FBN2: variants seen among roughly 807,000 people sequenced by gnomAD.
FBN2 encodes fibrillin 2, also known as fibrillin-2.
Under a neutral mutation model 355.6 loss-of-function variants are expected in FBN2, and 105 were observed. That is an observed-to-expected ratio of 0.30 (90% confidence interval 0.25 to 0.35). The LOEUF is 0.35. FBN2 is among the 10% of genes least tolerant of loss of function. The pLI is 1.00. For synonymous variants in FBN2, 1,350 were observed against 1,301.2 expected (o/e 1.04, Z -0.81); for missense variants, 3,280 against 3,758.7 (o/e 0.87, Z 3.33).
At chr5:128,441,724 G>T (rs1753926249) in intron 7 of FBN2, among the ~76,000 whole-genome samples, 2 of 152,134 alleles carry the variant, frequency 1.3e-5, no homozygotes, top group African/African-American at 4.8e-5. Flanking sequence ...ATTTGTGATG[G>T]GGGCAGAAAG....
At chr5:128,534,377 T>C (rs1756791436) in intron 2 of FBN2, among the ~76,000 whole-genome samples, 2 of 152,206 alleles carry the variant, frequency 1.3e-5, no homozygotes, top group East Asian at 1.9e-4. Context: ...ATTGAACTAC[T>C]GAATTGAATG....
Position 128,378,850 on chromosome 5 carries a change from A to G in FBN2, c.1644T>C (p.Asp548=), listed in dbSNP as rs182651973. 2 of 1,613,116 alleles carry G rather than the reference A, an allele frequency of 1.2e-6. No homozygotes were observed. The highest frequency in any genetic ancestry group is 2.7e-5 in the African/African-American group (2 of 74,892). ...ECTSNPCTNG[D]CVNTPGSYYC... ...AATAGGAACCAGGTGTGTTAACACA[A>G]TCTCCATTAGTGCAGGGATTTGATG... Residue 548 remains aspartate (D), a synonymous_variant, in exon 12 of 65, where the codon GAT becomes GAC. Coordinates refer to ENST00000262464, the MANE Select transcript of FBN2 (RefSeq NM_001999.4).
At chr5:128,266,305 G>A (rs918027724) in intron 62 of FBN2, among the ~76,000 whole-genome samples, 1 of 152,150 alleles carries the variant, frequency 6.6e-6, no homozygotes, top group Non-Finnish European at 1.5e-5. Flanking sequence ...AGTAGAATAA[G>A]CTTACAAATT....
intron 11 of FBN2, among the ~76,000 whole-genome samples, chr5:128,386,759 T>C (rs1198976638): frequency 6.6e-6 from 1 of 152,172 alleles, no homozygotes; most frequent in Non-Finnish European, 1.5e-5. Flanking sequence ...TTGCATATGC[T>C]GAACTCACCT....
At chr5:128,535,161 TAA>T (rs1561503466) in intron 2 of FBN2, among the ~76,000 whole-genome samples, 3 of 152,234 alleles carry the variant, frequency 2.0e-5, no homozygotes, top group Admixed American at 1.3e-4. Context: ...AAAATATTTA[TAA>T]GTCACTTTAA....
At chr5:128,274,461 T>C (rs1213070235) in intron 60 of FBN2, 106 bp downstream of exon 60, 2 of 749,918 alleles carry the variant, frequency 2.7e-6, no homozygotes, top group Non-Finnish European at 2.4e-6. Context: ...GGGGTATTGG[T>C]TACTGAACAT....
At chr5:128,515,303 G>T (rs2127157201) in intron 5 of FBN2, among the ~76,000 whole-genome samples, 1 of 152,274 alleles carries the variant, frequency 6.6e-6, no homozygotes, top group Non-Finnish European at 1.5e-5. Context: ...TTGCCAGCAT[G>T]CACACCTGAG....
At chr5:128,456,969 G>A (rs533292680) in intron 6 of FBN2, among the ~76,000 whole-genome samples, 17 of 152,316 alleles carry the variant, frequency 1.1e-4, no homozygotes, top group African/African-American at 4.1e-4. Context: ...ATTGACAGAA[G>A]TAGGCTTCAC....
rs554324515 is a variant in FBN2 at position 128,468,202 on chromosome 5, T to C, written c.629-3281A>G. Among the ~76,000 whole-genome samples the C allele has an allele frequency of 3.9e-5, 6 of 152,254 alleles. No individual in the cohort carries two copies. The South Asian group carries it at 8.3e-4, about 21-fold the overall frequency. On this transcript the variant is annotated intron_variant, in intron 5 of 64. Coordinates refer to ENST00000262464, the MANE Select transcript of FBN2 (RefSeq NM_001999.4). Reference sequence around the variant, plus strand: ...AAGTGAAATCATATAACACGTGGTCTTTTTTTGTCTTGCTTCTTTCACCTA... The same window carrying C: ...AAGTGAAATCATATAACACGTGGTCCTTTTTTGTCTTGCTTCTTTCACCTA...
Position 128,350,420 on chromosome 5 carries a change from G to A in FBN2, c.2813-415C>T, listed in dbSNP as rs541427765. On this transcript the variant is annotated intron_variant, in intron 21 of 64. Coordinates refer to ENST00000262464, the MANE Select transcript of FBN2 (RefSeq NM_001999.4). Reference sequence around the variant, plus strand: ...ACAAAAATTAGCTGGGCATGGTGGCGGGCACCTCTAGTCCCAGCTACTCGG... The same window carrying A: ...ACAAAAATTAGCTGGGCATGGTGGCAGGCACCTCTAGTCCCAGCTACTCGG... Among the ~76,000 whole-genome samples, 28 of 152,204 alleles carry A rather than the reference G, an allele frequency of 1.8e-4. No homozygotes were observed. The East Asian group carries it at 5.2e-3, about 28-fold the overall frequency.
At chr5:128,350,147 C>T in intron 21 of FBN2, 142 bp from the exon 22 acceptor site, 4 of 721,876 alleles carry the variant, frequency 5.5e-6, no homozygotes, top group Non-Finnish European at 1.0e-5. Flanking sequence ...ACATCATTGT[C>T]CCCTCTTCAT....
At chr5:128,492,563 G>A (rs1755537166) in intron 5 of FBN2, among the ~76,000 whole-genome samples, 3 of 152,166 alleles carry the variant, frequency 2.0e-5, no homozygotes, top group African/African-American at 4.8e-5. Context: ...AGCACTTTGG[G>A]AGGCTGAGGC....
chr5:128,342,183 G>A lies in FBN2; in HGVS notation c.3343+2202C>T, dbSNP rs1394723451. ...TAGATGAAACTCTGAGAGGCAAGAC[G>A]CTGAGTAGAGGACTCTGGCAACACC... On this transcript the variant is annotated intron_variant, in intron 25 of 64. Transcript: ENST00000262464. Among the ~76,000 whole-genome samples the A allele has an allele frequency of 5.3e-5, 8 of 152,196 alleles. No individual in the cohort carries two copies. In the East Asian group the frequency reaches 1.5e-3, roughly 29 times the overall value.
chr5:128,485,809 T>A (rs1755321959), intron 5 of FBN2, among the ~76,000 whole-genome samples: 1 of 152,182 alleles, frequency 6.6e-6, no homozygotes. Context: ...AGCAATAGTT[T>A]TCAAAGTTTT....
chr5:128,475,414 A>G (rs1028706155), intron 5 of FBN2, among the ~76,000 whole-genome samples: 1 of 152,142 alleles, frequency 6.6e-6, no homozygotes, highest in Non-Finnish European at 1.5e-5. Context: ...GAAGTGCAAA[A>G]AAAGGGATGG....
intron 25 of FBN2, among the ~76,000 whole-genome samples, chr5:128,342,141 C>T (rs917060225): frequency 1.3e-5 from 2 of 152,052 alleles, no homozygotes; most frequent in Admixed American, 6.6e-5. Context: ...CAGAGGCCAT[C>T]TCTGAAGTCA....
intron 12 of FBN2, 114 bp from the exon 13 acceptor site, chr5:128,377,991 A>T: frequency 1.0e-6 from 1 of 993,190 alleles, no homozygotes; most frequent in Non-Finnish European, 1.5e-6. Context: ...CTTTAGCAAA[A>T]TTTCTGTCTC....
chr5:128,494,623 G>C (rs974455381), intron 5 of FBN2, among the ~76,000 whole-genome samples: 1 of 152,174 alleles, frequency 6.6e-6, no homozygotes, highest in Non-Finnish European at 1.5e-5. Flanking sequence ...CAGCTTAACA[G>C]ATCAGGGACA....
intron 2 of FBN2, among the ~76,000 whole-genome samples, chr5:128,535,887 C>T (rs1274406682): frequency 6.7e-6 from 1 of 150,194 alleles, no homozygotes; most frequent in Non-Finnish European, 1.5e-5. Flanking sequence ...CTTAGGTCAA[C>T]ACTAAATCCG....
Sources: gnomAD v4.1 joint callset for allele counts (sites outside exome capture counted in the v4.1 genomes callset) on GRCh38, gnomAD v4.1.1 for gene constraint, MANE v1.5 for transcripts, NCBI Gene and HGNC (gene_info 2026-07-23, HGNC 2026-07-21) for gene names.